Variants in ARMH3 observed in about 807,000 individuals in gnomAD.
ARMH3 encodes armadillo like helical domain containing 3, also known as armadillo-like helical domain-containing protein 3.
A neutral mutation model predicts 99.1 loss-of-function variants in ARMH3; 60 were observed. That is an observed-to-expected ratio of 0.61 (90% CI 0.49 to 0.75). The LOEUF (loss-of-function observed/expected upper bound fraction) is 0.75, where lower values mean the gene tolerates loss of function less well. ARMH3 is among the 30% of genes least tolerant of loss of function. ARMH3 has a pLI of 0.00. For missense variants in ARMH3, 679 were observed against 843.1 expected, an observed-to-expected ratio of 0.81 and a Z score of 2.41; for synonymous variants, 285 against 292.8, an observed-to-expected ratio of 0.97 and a Z score of 0.27.
Position 102,054,368 on chromosome 10 carries a change from G to T in ARMH3, c.-12+1717C>A, listed in dbSNP as rs2815393. Among the ~76,000 whole-genome samples the T allele has an allele frequency of 2.0e-3, 291 of 145,242 alleles. 2 individuals carry two copies. The highest frequency in any genetic ancestry group is 7.2e-3 in the African/African-American group (279 of 38,924). ...CATGCCACTGCACTCCAGCCTGGGC[G>T]ACAGAGCGAGACTCCGTCTCAAAAA... On this transcript the variant is annotated intron_variant, in intron 1 of 25. Transcript: ENST00000370033.
At chr10:102,026,294 G>A (rs1431021063) in intron 5 of ARMH3, among the ~76,000 whole-genome samples, 1 of 152,194 alleles carries the variant, frequency 6.6e-6, no homozygotes, top group East Asian at 1.9e-4. Context: ...ATAAATATGT[G>A]AGCATCTACT....
intron 13 of ARMH3, 96 bp downstream of exon 13, chr10:102,009,278 G>C: frequency 8.9e-7 from 1 of 1,126,900 alleles, no homozygotes; most frequent in Non-Finnish European, 1.3e-6. Flanking sequence ...ATGCAAAGCA[G>C]GGTTTAAACA....
intron 23 of ARMH3, among the ~76,000 whole-genome samples, chr10:101,922,423 A>C (rs1843340983): frequency 6.6e-6 from 1 of 152,070 alleles, no homozygotes; most frequent in Non-Finnish European, 1.5e-5. Context: ...TTTTTTAAAA[A>C]TTATTTTTAG....
At chr10:102,051,404 C>A (rs934528129) in intron 1 of ARMH3, among the ~76,000 whole-genome samples, 1 of 148,748 alleles carries the variant, frequency 6.7e-6, no homozygotes, top group Non-Finnish European at 1.5e-5. Context: ...ACCCAAGAGG[C>A]GGAAGTTGCA....
Position 101,957,703 on chromosome 10 carries a change from A to T in ARMH3, c.1525T>A (p.Ser509Thr). 6.2e-7 allele frequency: 1 copy of T among 1,604,878 alleles called. No individual in the cohort carries two copies. Among genetic ancestry groups the T allele is most frequent in the South Asian group, 1.1e-5 (1 of 88,668 alleles). The change falls in exon 21 of 26, where the codon TCA becomes ACA. Residue 509 changes from serine to threonine, a missense_variant. Coordinates refer to ENST00000370033, the MANE Select transcript of ARMH3 (RefSeq NM_024541.3). ...ALINLLKFLM[S>T]NETVLLAKHN... Reference sequence around the variant, plus strand: ...TTGGCCAAAAGTACAGTCTCATTTGACATAAGGAACTTCAGCAAATTTATC... The same window carrying T: ...TTGGCCAAAAGTACAGTCTCATTTGTCATAAGGAACTTCAGCAAATTTATC...
intron 19 of ARMH3, among the ~76,000 whole-genome samples, chr10:101,981,741 G>A (rs909717546): frequency 7.3e-5 from 11 of 150,160 alleles, no homozygotes; most frequent in African/African-American, 2.0e-4. Context: ...GGTACAGGCC[G>A]GGCATGGTGG....
At chr10:102,039,821 A>G (rs1564877065) in intron 2 of ARMH3, among the ~76,000 whole-genome samples, 192 bp downstream of exon 2, 1 of 152,156 alleles carries the variant, frequency 6.6e-6, no homozygotes, top group Non-Finnish European at 1.5e-5. Context: ...CACAATAACA[A>G]CCTATATTAA....
intron 20 of ARMH3, among the ~76,000 whole-genome samples, chr10:101,962,689 C>T (rs2135845616): frequency 6.6e-6 from 1 of 152,240 alleles, no homozygotes; most frequent in Admixed American, 6.5e-5. Flanking sequence ...ATAAATTACC[C>T]AAAGCCAATA....
intron 23 of ARMH3, among the ~76,000 whole-genome samples, chr10:101,918,260 G>A (rs191683865): frequency 7.9e-5 from 12 of 152,204 alleles, no homozygotes; most frequent in Admixed American, 2.0e-4. Flanking sequence ...CACCATGTTG[G>A]CCAGGCTGGT....
intron 24 of ARMH3, among the ~76,000 whole-genome samples, chr10:101,875,719 A>G (rs1030720265): frequency 2.6e-5 from 4 of 152,194 alleles, no homozygotes; most frequent in Non-Finnish European, 4.4e-5. Flanking sequence ...ACAGTGGGTG[A>G]TTAGTGAGAG....
chr10:102,011,689 T>C (rs1269906510), intron 11 of ARMH3, 34 bp downstream of exon 11: 2 of 1,567,660 alleles, frequency 1.3e-6, no homozygotes, highest in Non-Finnish European at 1.7e-6. Context: ...CTGTTTCTGT[T>C]TTTTTCAGGA....
At chr10:101,967,451 A>C (rs1055722641) in intron 20 of ARMH3, among the ~76,000 whole-genome samples, 1 of 152,214 alleles carries the variant, frequency 6.6e-6, no homozygotes, top group African/African-American at 2.4e-5. Context: ...TAATTTAAAA[A>C]TACTCAGCCA....
At chr10:101,977,881 A>C (rs1846077188) in intron 19 of ARMH3, among the ~76,000 whole-genome samples, 1 of 152,196 alleles carries the variant, frequency 6.6e-6, no homozygotes, top group South Asian at 2.1e-4. Flanking sequence ...AGCCCCTAGA[A>C]CTTGGACTTC....
chr10:101,866,453 G>T (rs1207927480), intron 24 of ARMH3, among the ~76,000 whole-genome samples: 4 of 90,218 alleles, frequency 4.4e-5, no homozygotes, highest in South Asian at 3.3e-4. Context: ...GCCATTTCAA[G>T]AAAAATGAAT....
At chr10:102,055,575 T>G (rs1225669430) in intron 1 of ARMH3, among the ~76,000 whole-genome samples, 1 of 152,092 alleles carries the variant, frequency 6.6e-6, no homozygotes, top group Non-Finnish European at 1.5e-5. Flanking sequence ...ACTGATTCCG[T>G]GTGAAGAGTG....
intron 24 of ARMH3, among the ~76,000 whole-genome samples, chr10:101,874,830 CG>C (rs376814400): frequency 3.3e-5 from 5 of 151,954 alleles, no homozygotes; most frequent in African/African-American, 1.2e-4. Context: ...TCAAGGAGAA[CG>C]GGGAGGTTTA....
rs532794231 is a variant in ARMH3, at chr10:102,011,171, C to T, written c.831+552G>A. ...GTCTTGCCAGCTGGACCAATAACTT[C>T]CCTAAAATTCAGACCTCTAAGCCCA... On this transcript the variant is annotated intron_variant, in intron 11 of 25. Coordinates refer to ENST00000370033, the MANE Select transcript of ARMH3 (RefSeq NM_024541.3). Among the ~76,000 whole-genome samples the T allele has an allele frequency of 3.9e-5, 6 of 152,186 alleles. No homozygotes were observed. The South Asian group carries it at 1.2e-3, about 32-fold the overall frequency.
At chr10:101,864,930 C>A (rs942677294) in intron 24 of ARMH3, among the ~76,000 whole-genome samples, 1 of 151,560 alleles carries the variant, frequency 6.6e-6, no homozygotes, top group Non-Finnish European at 1.5e-5. Flanking sequence ...AAAGCCCTGA[C>A]GCAGCTCAAA....
At chr10:101,968,007 C>G (rs973815439) in intron 20 of ARMH3, among the ~76,000 whole-genome samples, 4 of 152,062 alleles carry the variant, frequency 2.6e-5, no homozygotes, top group Admixed American at 6.6e-5. Flanking sequence ...TGCTTCCATC[C>G]TTACCATTTT....
Sources: allele counts gnomAD v4.1 joint callset (sites outside exome capture counted in the v4.1 genomes callset), GRCh38; gene constraint gnomAD v4.1.1; transcripts MANE v1.5; gene names NCBI Gene and HGNC (gene_info 2026-07-23, HGNC 2026-07-21).